TTC39B: variants seen among roughly 807,000 people sequenced by gnomAD.
TTC39B encodes tetratricopeptide repeat domain 39B, also known as tetratricopeptide repeat protein 39B.
A neutral mutation model predicts 96.6 loss-of-function variants in TTC39B; 92 were observed. The ratio of observed to expected loss-of-function variants is 0.95; its 90% CI spans 0.80 to 1.13. The LOEUF (loss-of-function observed/expected upper bound fraction) is 1.13, where lower values mean the gene tolerates loss of function less well. Ranked by LOEUF, TTC39B falls within the 50% of genes most tolerant of loss-of-function variation. The pLI, the probability that TTC39B is intolerant of heterozygous loss-of-function variation, is 0.00. For missense variants in TTC39B, 955 were observed against 809.3 expected (o/e 1.18, Z -2.18); for synonymous variants, 367 against 299.4 (o/e 1.23, Z -2.33).
intron 1 of TTC39B, among the ~76,000 whole-genome samples, chr9:15,285,163 G>C (rs62570840): frequency 6.6e-6 from 1 of 151,738 alleles, no homozygotes; most frequent in Non-Finnish European, 1.5e-5. Context: ...TACTCGGGGC[G>C]GGGGCTGAGG....
chr9:15,222,122 C>T (rs1286263011), intron 3 of TTC39B, among the ~76,000 whole-genome samples: 2 of 152,090 alleles, frequency 1.3e-5, no homozygotes, highest in South Asian at 2.1e-4. Flanking sequence ...TTTCTTTTGT[C>T]GTAGTTGTTA....
At chr9:15,249,878 C>G in intron 2 of TTC39B, 5 of 1,200,670 alleles carry the variant, frequency 4.2e-6, no homozygotes, top group Non-Finnish European at 5.3e-6. Flanking sequence ...ACATTTGAAT[C>G]ATAAACCCAG....
At chr9:15,183,093 AG>A (rs1159072946) in intron 16 of TTC39B, among the ~76,000 whole-genome samples, 2 of 152,142 alleles carry the variant, frequency 1.3e-5, no homozygotes, top group Non-Finnish European at 2.9e-5. Flanking sequence ...CGTATTTTGA[AG>A]GGTATGAAGT....
chr9:15,173,433 A>C (rs1373849319), intron 19 of TTC39B, among the ~76,000 whole-genome samples: 1 of 152,130 alleles, frequency 6.6e-6, no homozygotes, highest in Non-Finnish European at 1.5e-5. Flanking sequence ...TTTGTTTGTC[A>C]CCTCATTTGT....
intron 1 of TTC39B, among the ~76,000 whole-genome samples, chr9:15,281,646 A>AAAAAAAC: frequency 6.8e-6 from 1 of 147,676 alleles, no homozygotes; most frequent in African/African-American, 2.7e-5. Context: ...AAAAAAAAAA[A>AAAAAAAC]AAAATGGCAA....
intron 13 of TTC39B, among the ~76,000 whole-genome samples, chr9:15,188,453 CAG>C (rs1417091870): frequency 6.6e-6 from 1 of 152,082 alleles, no homozygotes; most frequent in African/African-American, 2.4e-5. Flanking sequence ...ACACTGTAGG[CAG>C]AGTTACAGGC....
chr9:15,175,054 T>A (rs1398763644), exon 19 of TTC39B: 4 of 1,613,644 alleles, frequency 2.5e-6, no homozygotes, highest in Non-Finnish European at 3.4e-6. Flanking sequence ...CCTTGTCAAT[T>A]TCCCCCTGGC....
At chr9:15,193,059 A>G (rs1473137550) in intron 8 of TTC39B, among the ~76,000 whole-genome samples, 1 of 152,198 alleles carries the variant, frequency 6.6e-6, no homozygotes, top group East Asian at 1.9e-4. Context: ...CACTGCACAC[A>G]CTGCAGCAAC....
chr9:15,202,730 A>C (rs894636050), intron 7 of TTC39B, among the ~76,000 whole-genome samples: 20 of 138,710 alleles, frequency 1.4e-4, no homozygotes, highest in African/African-American at 4.1e-4. Flanking sequence ...CCCCTCCCCC[A>C]CCAAAAAAAA....
At chr9:15,193,531 C>A (rs1350226998) in intron 8 of TTC39B, among the ~76,000 whole-genome samples, 1 of 152,116 alleles carries the variant, frequency 6.6e-6, no homozygotes, top group Non-Finnish European at 1.5e-5. Context: ...GCCTATAGAC[C>A]TAACTTCCAG....
chr9:15,206,917 C>T (rs1819892933), intron 6 of TTC39B, among the ~76,000 whole-genome samples: 1 of 152,092 alleles, frequency 6.6e-6, no homozygotes, highest in African/African-American at 2.4e-5. Flanking sequence ...AGGGTGGGAA[C>T]TGGTGGGAGA....
chr9:15,230,672 G>A (rs1821369421), intron 2 of TTC39B, among the ~76,000 whole-genome samples: 2 of 152,122 alleles, frequency 1.3e-5, no homozygotes, highest in Non-Finnish European at 2.9e-5. Flanking sequence ...GAATAATGCT[G>A]TTATGAACAT....
At chr9:15,249,245 T>C (rs1015511429) in intron 2 of TTC39B, 4 of 152,300 alleles carry the variant, frequency 2.6e-5, no homozygotes, top group Admixed American at 2.0e-4. Flanking sequence ...CTCCAGGGTC[T>C]GCGTCACACA....
At chr9:15,236,584 C>A in intron 2 of TTC39B, among the ~76,000 whole-genome samples, 1 of 152,170 alleles carries the variant, frequency 6.6e-6, no homozygotes, top group Non-Finnish European at 1.5e-5. Context: ...CAAAGCAAGT[C>A]TCAATAAAAT....
Position 15,197,314 on chromosome 9 carries a change from G to A in TTC39B, c.824+2547C>T, listed in dbSNP as rs192712993. Among the ~76,000 whole-genome samples the A allele has an allele frequency of 3.3e-5, 5 of 152,176 alleles. No homozygotes were observed. The East Asian group carries it at 5.8e-4, about 18-fold the overall frequency. ...GCAATTAGCATTGAATTTAACATTC[G>A]TTTATACCTTCTAAAAATATTTCAC... On this transcript the variant is annotated intron_variant, in intron 8 of 19. Transcript: ENST00000512701.
intron 2 of TTC39B, among the ~76,000 whole-genome samples, chr9:15,264,411 G>C (rs184604212): frequency 1.6e-3 from 236 of 152,088 alleles, no homozygotes; most frequent in African/African-American, 4.9e-3. Flanking sequence ...CAGCACTTTG[G>C]GGGAGGCCAA....
At chr9:15,222,210 C>G (rs1820882820) in intron 3 of TTC39B, among the ~76,000 whole-genome samples, 1 of 152,190 alleles carries the variant, frequency 6.6e-6, no homozygotes, top group East Asian at 1.9e-4. Context: ...ACTCTTCTAA[C>G]ACAAAGGAGG....
chr9:15,211,472 T>A, intron 4 of TTC39B, 75 bp from the exon 5 acceptor site: 19 of 1,228,894 alleles, frequency 1.5e-5, no homozygotes, highest in Middle Eastern at 2.0e-4. Context: ...AGTAAATGCA[T>A]GTCCTGACTT....
intron 2 of TTC39B, among the ~76,000 whole-genome samples, chr9:15,230,493 T>C (rs891806934): frequency 7.9e-5 from 12 of 152,262 alleles, no homozygotes; most frequent in African/African-American, 2.7e-4. Context: ...GTATGGTCTT[T>C]ATGCTTGGCT....
Sources: allele counts gnomAD v4.1 joint callset (sites outside exome capture counted in the v4.1 genomes callset), GRCh38; gene constraint gnomAD v4.1.1; transcripts MANE v1.5; gene names NCBI Gene and HGNC (gene_info 2026-07-23, HGNC 2026-07-21).